Variants in VTCN1 observed in about 807,000 individuals in gnomAD.
The protein encoded by VTCN1 is V-set domain containing T cell activation inhibitor 1, also known as V-set domain-containing T-cell activation inhibitor 1.
A neutral mutation model predicts 26.5 loss-of-function variants in VTCN1; 26 were observed. The observed-to-expected ratio is 0.98, with a 90% CI of 0.72 to 1.36. VTCN1 has a LOEUF of 1.36. Among genes scored for constraint, VTCN1 ranks in the 40% most tolerant of loss-of-function variants. The probability of loss-of-function intolerance (pLI) is 0.00; values close to 1 mark genes in which losing one functional copy is unlikely to be tolerated. For missense variants in VTCN1, 298 were observed against 337.7 expected (o/e 0.88, Z 0.92); for synonymous variants, 116 against 130.7 (o/e 0.89, Z 0.77).
At chr1:117,157,794 G>C (rs1557862479) in intron 2 of VTCN1, among the ~76,000 whole-genome samples, 1 of 152,136 alleles carries the variant, frequency 6.6e-6, no homozygotes, top group Non-Finnish European at 1.5e-5. Context: ...TCTGAGGCAA[G>C]GCAAGTCCCT....
chr1:117,166,060 A>T (rs902696195), intron 2 of VTCN1, among the ~76,000 whole-genome samples: 1 of 152,192 alleles, frequency 6.6e-6, no homozygotes, highest in South Asian at 2.1e-4. Context: ...TAAATTTTTG[A>T]TGGTACATTA....
rs1016217266 is a variant in VTCN1 at position 117,206,183 on chromosome 1, A to G, written c.32+4641T>C. Among the ~76,000 whole-genome samples the G allele has an allele frequency of 6.0e-5, 9 of 151,140 alleles. 1 individual carries two copies. The highest frequency in any genetic ancestry group is 2.2e-4 in the African/African-American group (9 of 41,044). ...TTTTTGTAGAATAAGAATCTGGAGA[A>G]CTCTATGAGTATTCTCCAGAGTTCT... On this transcript the variant is annotated intron_variant, in intron 1 of 5. Transcript: ENST00000369458.
intron 1 of VTCN1, among the ~76,000 whole-genome samples, chr1:117,192,442 G>A (rs1648292029): frequency 6.6e-6 from 1 of 152,052 alleles, no homozygotes; most frequent in African/African-American, 2.4e-5. Flanking sequence ...CAATATGAAA[G>A]CATATAAAAG....
chr1:117,210,306 C>T (rs2101617202), intron 1 of VTCN1, among the ~76,000 whole-genome samples: 1 of 152,224 alleles, frequency 6.6e-6, no homozygotes, highest in East Asian at 1.9e-4. Context: ...CTGGGGGGGC[C>T]TGGGGAGGGG....
rs540119942 is a variant in VTCN1, at chr1:117,198,257, C to T, written c.32+12567G>A. 9.4e-4 allele frequency among the ~76,000 whole-genome samples: 143 copies of T among 152,302 alleles called. 2 individuals are homozygous for T. The highest frequency in any genetic ancestry group is 3.4e-3 in the Middle Eastern group (1 of 294). ...GATCTGCACAGTGATGTCAAAATGC[C>T]TACTCACTCTCTAGAGAATTGGTCA... On this transcript the variant is annotated intron_variant, in intron 1 of 5. Coordinates refer to ENST00000369458, the MANE Select transcript of VTCN1 (RefSeq NM_024626.4).
At chr1:117,192,433 A>G (rs1432208308) in intron 1 of VTCN1, among the ~76,000 whole-genome samples, 2 of 152,220 alleles carry the variant, frequency 1.3e-5, no homozygotes, top group Admixed American at 1.3e-4. Flanking sequence ...GCTAAGTAAC[A>G]ATATGAAAGC....
At chr1:117,203,830 T>C in intron 1 of VTCN1, 2 of 971,690 alleles carry the variant, frequency 2.1e-6, no homozygotes, top group Non-Finnish European at 2.4e-6. Context: ...ACGCCACAGA[T>C]TACCAGGCCC....
At chr1:117,164,374 G>T (rs540400142) in intron 2 of VTCN1, among the ~76,000 whole-genome samples, 1 of 151,898 alleles carries the variant, frequency 6.6e-6, no homozygotes, top group Non-Finnish European at 1.5e-5. Flanking sequence ...GGTTGCGGGG[G>T]CGATACGGGA....
chr1:117,202,743 T>C (rs919837659), intron 1 of VTCN1, among the ~76,000 whole-genome samples: 3 of 152,180 alleles, frequency 2.0e-5, no homozygotes, highest in African/African-American at 4.8e-5. Context: ...AGTTAGAAAG[T>C]GGCAGAGTTG....
chr1:117,156,837 T>C lies in VTCN1; in HGVS notation c.182A>G (p.Asp61Gly), dbSNP rs1402084192. The change falls in exon 3 of 6, where the codon GAC becomes GGC. Residue 61 changes from aspartate (D) to glycine (G), a missense_variant. By Grantham distance (94) the Asp-to-Gly change is moderately conservative. Transcript: ENST00000369458. ...TATCACGATATCAGAAAGTTTGATGTCAGGTTCAAAAGTGCAGCTCAGGAT... is the reference window on the plus strand; with the variant it reads ...TATCACGATATCAGAAAGTTTGATGCCAGGTTCAAAAGTGCAGCTCAGGAT... The part of the protein sequence containing the change: ...DGILSCTFEP[D>G]IKLSDIVIQW... 8 of 1,614,086 alleles carry C rather than the reference T, an allele frequency of 5.0e-6. No individual in the cohort carries two copies. Among genetic ancestry groups the C allele is most frequent in the Non-Finnish European group, 6.8e-6 (8 of 1,180,014 alleles).
intron 4 of VTCN1, among the ~76,000 whole-genome samples, chr1:117,148,652 T>C (rs1651638359): frequency 1.3e-5 from 2 of 152,258 alleles, no homozygotes; most frequent in South Asian, 4.1e-4. Context: ...TAAATATTTC[T>C]GAGTACCTAC....
intron 1 of VTCN1, among the ~76,000 whole-genome samples, chr1:117,208,497 C>T (rs1649206720): frequency 6.6e-6 from 1 of 152,176 alleles, no homozygotes; most frequent in Non-Finnish European, 1.5e-5. Flanking sequence ...TAGGTTATGA[C>T]CTTGACAGCA....
intron 1 of VTCN1, among the ~76,000 whole-genome samples, chr1:117,172,029 C>CT (rs1652941476): frequency 6.6e-6 from 1 of 152,186 alleles, no homozygotes; most frequent in South Asian, 2.1e-4. Flanking sequence ...TCGCCCGTTG[C>CT]TGCCTGTCCT....
chr1:117,201,291 G>A (rs1243621351), intron 1 of VTCN1, among the ~76,000 whole-genome samples: 1 of 152,150 alleles, frequency 6.6e-6, no homozygotes, highest in Non-Finnish European at 1.5e-5. Context: ...GAATGAGACT[G>A]TCATAGCCCA....
intron 1 of VTCN1, among the ~76,000 whole-genome samples, chr1:117,182,351 G>A (rs1009412357): frequency 5.3e-5 from 8 of 152,132 alleles, no homozygotes; most frequent in Non-Finnish European, 8.8e-5. Context: ...GCAAATCCTC[G>A]CCTGCTGGGA....
rs115323511 is a variant in VTCN1, at chr1:117,196,094, G to T, written c.32+14730C>A. On this transcript the variant is annotated intron_variant, in intron 1 of 5. Transcript: ENST00000369458. ...TTGATCCTGGGAAGTTGAGGCTGCAGTGAGCTATGATAGTACCACTGCACT... is the reference window on the plus strand; with the variant it reads ...TTGATCCTGGGAAGTTGAGGCTGCATTGAGCTATGATAGTACCACTGCACT... 7.2e-3 allele frequency among the ~76,000 whole-genome samples: 1,095 copies of T among 152,272 alleles called. 5 individuals are homozygous for T. Among genetic ancestry groups the T allele is most frequent in the South Asian group, 0.012 (58 of 4,826 alleles).
rs1195009184 is a variant in VTCN1, at chr1:117,145,527, G to C, written c.*46-302C>G. ...GAGTCTGGGCAGGCTCCTGAATAGA[G>C]GTGGAAAGGTGGTTTCTGCCTCAAT... On this transcript the variant is annotated intron_variant, in intron 5 of 5. Transcript: ENST00000369458. This position sits in a 1 kb window ranked among gnomAD's most constrained non-coding sequence, Gnocchi z 4.6. Among the ~76,000 whole-genome samples the C allele has an allele frequency of 6.6e-6, 1 of 152,168 alleles. No homozygotes were observed. The highest frequency in any genetic ancestry group is 1.9e-4 in the East Asian group (1 of 5,198).
At chr1:117,180,308 G>A (rs1031039779) in intron 1 of VTCN1, among the ~76,000 whole-genome samples, 1 of 152,114 alleles carries the variant, frequency 6.6e-6, no homozygotes, top group East Asian at 1.9e-4. Context: ...ATTGCCATAA[G>A]CATGTATTAG....
At chr1:117,203,320 G>A (rs973440933) in intron 1 of VTCN1, among the ~76,000 whole-genome samples, 1 of 152,026 alleles carries the variant, frequency 6.6e-6, no homozygotes, top group Non-Finnish European at 1.5e-5. Context: ...TGGGGGTGGA[G>A]GTGCTGAGAA....
Sources: gnomAD v4.1 joint callset for allele counts (sites outside exome capture counted in the v4.1 genomes callset) on GRCh38, gnomAD v4.1.1 for gene constraint, Gnocchi (gnomAD v3.1) non-coding constraint, MANE v1.5 for transcripts, NCBI Gene and HGNC (gene_info 2026-07-23, HGNC 2026-07-21) for gene names.